Variants in XRN1 observed in about 807,000 individuals in gnomAD.
XRN1 encodes the protein strand-exchange protein 1 homolog.
XRN1 carries 67 observed loss-of-function variants against 222.3 expected under a neutral mutation model. That is an observed-to-expected ratio of 0.30 (90% CI 0.25 to 0.37). The LOEUF is 0.37. XRN1 is among the 10% of genes least tolerant of loss of function. The pLI is 1.00. For synonymous variants in XRN1, 643 were observed against 652.4 expected, an observed-to-expected ratio of 0.99 and a Z score of 0.22; for missense variants, 1,707 against 2,000.2, an observed-to-expected ratio of 0.85 and a Z score of 2.80.
At chr3:142,312,548 G>C (rs2065105392) in intron 40 of XRN1, 50 bp downstream of exon 40, 1 of 1,438,220 alleles carries the variant, frequency 7.0e-7, no homozygotes, top group Non-Finnish European at 9.2e-7. Flanking sequence ...TTTATCAATA[G>C]TCTTTCAGCA....
intron 16 of XRN1, 138 bp downstream of exon 16, chr3:142,404,769 G>T: frequency 1.3e-6 from 1 of 757,466 alleles, no homozygotes. Flanking sequence ...GTAACTCATT[G>T]ATTATCAATT....
At chr3:142,387,628 T>G (rs2067555837) in intron 20 of XRN1, among the ~76,000 whole-genome samples, 1 of 152,200 alleles carries the variant, frequency 6.6e-6, no homozygotes, top group South Asian at 2.1e-4. Flanking sequence ...AAGTGTATAA[T>G]AGCATTATGT....
At chr3:142,320,336 C>T (rs1240485848) in intron 37 of XRN1, among the ~76,000 whole-genome samples, 3 of 152,052 alleles carry the variant, frequency 2.0e-5, no homozygotes, top group Non-Finnish European at 4.4e-5. Context: ...TAATGTTGAA[C>T]ATTTCTTTCA....
intron 10 of XRN1, among the ~76,000 whole-genome samples, chr3:142,419,233 G>A (rs944047948): frequency 6.6e-6 from 1 of 152,066 alleles, no homozygotes; most frequent in African/African-American, 2.4e-5. Flanking sequence ...TTTAAGTACT[G>A]AATTGTGGTG....
Position 142,447,984 on chromosome 3 carries a change from A to C in XRN1, c.-40T>G. On this transcript the variant is annotated 5_prime_UTR_variant, in exon 1 of 41. Coordinates refer to ENST00000392981, the MANE Select transcript of XRN1 (RefSeq NM_001282857.2). This position sits in a 1 kb window ranked among gnomAD's most constrained non-coding sequence, Gnocchi z 4.2. ...CTAATCCCAGTCAGGGCCAAACCGA[A>C]ACCAAACGCCCCGCCGGGGCTCCGC... 1 of 1,603,380 alleles carries C rather than the reference A, an allele frequency of 6.2e-7. No homozygotes were observed. The highest frequency in any genetic ancestry group is 1.1e-5 in the South Asian group (1 of 90,528).
At chr3:142,322,173 G>A (rs1009276877) in intron 37 of XRN1, among the ~76,000 whole-genome samples, 2 of 152,128 alleles carry the variant, frequency 1.3e-5, no homozygotes, top group Non-Finnish European at 2.9e-5. Context: ...GAGGGTCTGC[G>A]AGACCCTTTC....
rs190102374 is a variant in XRN1, at chr3:142,325,183, C to G, written c.4404+4251G>C. ...TGGCTGTACTAATTTACGTTTCCAC[C>G]AACAATGTATGAGGGTTTCCCTTTC... is the stretch of plus-strand genomic sequence containing the variant. On this transcript the variant is annotated intron_variant, in intron 37 of 40. Transcript: ENST00000392981. Among the ~76,000 whole-genome samples, 242 of 152,222 alleles carry G rather than the reference C, an allele frequency of 1.6e-3. 1 individual carries two copies. The highest frequency in any genetic ancestry group is 4.6e-3 in the African/African-American group (191 of 41,538).
rs765109080 is a variant in XRN1, at chr3:142,404,971, T to C, written c.1819A>G (p.Thr607Ala). The change falls in exon 16 of 41, where the codon ACA becomes GCA. Residue 607 changes from threonine to alanine, a missense_variant. By Grantham distance (58) the Thr-to-Ala change is moderately conservative. Transcript: ENST00000392981. ...ECLMCWYDRD[T>A]EFIYPSPWPE... ...CATGGAGAAGGATAGATAAACTCTG[T>C]GTCTCTATCATACCAGCACATTAGG... The C allele has an allele frequency of 6.2e-7, 1 of 1,614,058 alleles. No homozygotes were observed. The highest frequency in any genetic ancestry group is 1.1e-5 in the South Asian group (1 of 91,078).
At chr3:142,405,606 G>C (rs1483541519) in intron 15 of XRN1, among the ~76,000 whole-genome samples, 1 of 152,076 alleles carries the variant, frequency 6.6e-6, no homozygotes, top group Admixed American at 6.6e-5. Flanking sequence ...TGTCTTACCA[G>C]ATTCTATCAC....
At chr3:142,428,266 C>T (rs1273889222) in intron 2 of XRN1, among the ~76,000 whole-genome samples, 5 of 151,542 alleles carry the variant, frequency 3.3e-5, no homozygotes, top group African/African-American at 4.8e-5. Flanking sequence ...TGTGGTGGTG[C>T]GGCCTGTAGT....
chr3:142,364,352 T>C (rs1199706679), intron 29 of XRN1, among the ~76,000 whole-genome samples: 1 of 152,170 alleles, frequency 6.6e-6, no homozygotes, highest in East Asian at 1.9e-4. Flanking sequence ...TTTTTTTGAA[T>C]CTATGCTATA....
At chr3:142,356,726 C>A (rs1389116601) in intron 31 of XRN1, among the ~76,000 whole-genome samples, 186 bp downstream of exon 31, 1 of 152,022 alleles carries the variant, frequency 6.6e-6, no homozygotes, top group African/African-American at 2.4e-5. Flanking sequence ...TATTTTATAG[C>A]AGAGGTAGAA....
intron 13 of XRN1, among the ~76,000 whole-genome samples, chr3:142,416,338 A>T (rs1031325925): frequency 6.6e-6 from 1 of 152,048 alleles, no homozygotes; most frequent in African/African-American, 2.4e-5. Context: ...GCACACCACC[A>T]TGCCCAGCTA....
intron 21 of XRN1, 41 bp from the exon 22 acceptor site, chr3:142,383,454 A>G (rs764741844): frequency 2.0e-6 from 3 of 1,525,044 alleles, no homozygotes; most frequent in East Asian, 4.6e-5. Context: ...CATAATTTCT[A>G]TAGATTGCGT....
At chr3:142,335,308 G>T in intron 34 of XRN1, 140 bp downstream of exon 34, 1 of 729,024 alleles carries the variant, frequency 1.4e-6, no homozygotes, top group Non-Finnish European at 2.3e-6. Context: ...CCAAGTGACT[G>T]TCAGCTTAAC....
chr3:142,342,414 A>T (rs975602024), intron 33 of XRN1, among the ~76,000 whole-genome samples: 2 of 152,198 alleles, frequency 1.3e-5, no homozygotes, highest in African/African-American at 4.8e-5. Flanking sequence ...AATACCAATG[A>T]AATTCTTTAC....
rs563395579 is a variant in XRN1, at chr3:142,442,571, C to G, written c.75+5299G>C. On this transcript the variant is annotated intron_variant, in intron 1 of 40. Transcript: ENST00000392981. ...AATGGAAATTACTTAAAACCCTTCA[C>G]CAAACCTTTCACTTAGGCATTGATA... 1.7e-4 allele frequency among the ~76,000 whole-genome samples: 26 copies of G among 152,248 alleles called. No individual in the cohort carries two copies. The East Asian group carries it at 5.0e-3, about 29-fold the overall frequency.
At chr3:142,325,354 T>C in intron 37 of XRN1, among the ~76,000 whole-genome samples, 1 of 152,188 alleles carries the variant, frequency 6.6e-6, no homozygotes, top group Non-Finnish European at 1.5e-5. Context: ...GTTGGCCATT[T>C]GTATGTTTTC....
intron 33 of XRN1, among the ~76,000 whole-genome samples, chr3:142,346,284 T>G (rs1263610099): frequency 1.3e-5 from 2 of 152,162 alleles, no homozygotes; most frequent in East Asian, 3.9e-4. Flanking sequence ...AAAATCCACA[T>G]ATGTTCAAGT....
Sources: allele counts gnomAD v4.1 joint callset (sites outside exome capture counted in the v4.1 genomes callset), GRCh38; gene constraint gnomAD v4.1.1; non-coding constraint Gnocchi (gnomAD v3.1); transcripts MANE v1.5; gene names NCBI Gene and HGNC (gene_info 2026-07-23, HGNC 2026-07-21).